The following TMEM123 variants were observed in gnomAD, a reference collection of about 807,000 sequenced individuals.
The protein encoded by TMEM123 is porimin.
In TMEM123, 16 loss-of-function variants were observed where a neutral mutation model predicts 19.7. The observed-to-expected ratio is 0.81, with a 90% CI of 0.55 to 1.23. The LOEUF (loss-of-function observed/expected upper bound fraction) is 1.23, where lower values mean the gene tolerates loss of function less well. TMEM123 is among the 50% of genes most tolerant of loss of function. TMEM123 has a pLI of 0.00. For synonymous variants in TMEM123, 118 were observed against 99.4 expected (o/e 1.19, Z -1.12); for missense variants, 313 against 257.8 (o/e 1.21, Z -1.47).
intron 1 of TMEM123, 77 bp from the exon 2 acceptor site, chr11:102,448,945 G>T: frequency 7.1e-7 from 1 of 1,411,948 alleles, no homozygotes; most frequent in Non-Finnish European, 1.0e-6. Context: ...TTTCTGCCTA[G>T]CGGGAGTAGG....
chr11:102,439,620 C>G (rs921140426), intron 2 of TMEM123, among the ~76,000 whole-genome samples: 4 of 152,198 alleles, frequency 2.6e-5, no homozygotes, highest in Admixed American at 1.3e-4. Flanking sequence ...GCTGAAAATT[C>G]TAAAAATCAG....
At position 102,397,961 on chromosome 11, in the gene TMEM123, G is replaced by C. The variant is rs962337921; in HGVS notation, c.*906C>G. 1 of 152,140 alleles carries C rather than the reference G, an allele frequency of 6.6e-6. No individual in the cohort carries two copies. The highest frequency in any genetic ancestry group is 2.4e-5 in the African/African-American group (1 of 41,448). 9.4% of individuals were successfully genotyped at this position (152,140 alleles called of 1,614,324 possible). A position where few individuals can be genotyped will look rare whatever the true frequency, so the allele number is the denominator to read the frequency against. ...TAAAAATTTCTAGATATTGAAAGCA[G>C]CTCTACAGTTCTTAAAATATTCACA... On this transcript the variant is annotated 3_prime_UTR_variant, in exon 5 of 5. Transcript: ENST00000398136.
intron 2 of TMEM123, chr11:102,448,139 T>C (rs1233280809): frequency 2.3e-6 from 1 of 430,364 alleles, no homozygotes; most frequent in South Asian, 1.6e-5. Context: ...AAGTTAGTGA[T>C]AGGATTGGTG....
At chr11:102,409,235 A>T (rs1951981671) in intron 2 of TMEM123, among the ~76,000 whole-genome samples, 1 of 152,174 alleles carries the variant, frequency 6.6e-6, no homozygotes. Context: ...TCAAGACATA[A>T]ACCATAAATT....
intron 2 of TMEM123, among the ~76,000 whole-genome samples, chr11:102,419,550 T>C (rs1031106101): frequency 6.6e-6 from 1 of 152,250 alleles, no homozygotes; most frequent in Non-Finnish European, 1.5e-5. Context: ...TCCAGTCTGT[T>C]AGACAATGGC....
chr11:102,445,902 T>C (rs1227312273), intron 2 of TMEM123, among the ~76,000 whole-genome samples: 2 of 152,214 alleles, frequency 1.3e-5, no homozygotes, highest in African/African-American at 4.8e-5. Context: ...CAAGGATGAA[T>C]AACCAAACTA....
At chr11:102,433,610 G>A (rs1172827245) in intron 2 of TMEM123, among the ~76,000 whole-genome samples, 1 of 151,866 alleles carries the variant, frequency 6.6e-6, no homozygotes, top group African/African-American at 2.4e-5. Context: ...TTGGAAGACT[G>A]TTGGGAAGGC....
At chr11:102,427,927 G>A (rs973902888) in intron 2 of TMEM123, among the ~76,000 whole-genome samples, 1 of 151,816 alleles carries the variant, frequency 6.6e-6, no homozygotes, top group Non-Finnish European at 1.5e-5. Flanking sequence ...TTTACTCTGA[G>A]ATTCAGAAAA....
In TMEM123 at chr11:102,396,609, G is replaced by A. The variant is rs1323257835; in HGVS notation, c.*2258C>T. The A allele has an allele frequency of 6.6e-6, 1 of 152,116 alleles. No homozygotes were observed. Among genetic ancestry groups the A allele is most frequent in the Admixed American group, 6.5e-5 (1 of 15,270 alleles). The allele number at this position is 152,116 out of a possible 1,614,324, so 9.4% of individuals were successfully genotyped here. The stretch of plus-strand genomic sequence containing the variant: ...ATAAATACATTCTCAAGGAATGCAA[G>A]CAAAACTGAGCATTTTTTTTATGCT... On this transcript the variant is annotated 3_prime_UTR_variant, in exon 5 of 5. Coordinates refer to ENST00000398136, the MANE Select transcript of TMEM123 (RefSeq NM_052932.3).
chr11:102,444,589 A>G (rs1310665301), intron 2 of TMEM123, among the ~76,000 whole-genome samples: 2 of 151,952 alleles, frequency 1.3e-5, no homozygotes, highest in East Asian at 3.9e-4. Flanking sequence ...ATCTAATGTA[A>G]ATGACGAGTT....
chr11:102,409,537 T>C (rs985346166), intron 2 of TMEM123, among the ~76,000 whole-genome samples: 5 of 151,732 alleles, frequency 3.3e-5, no homozygotes, highest in African/African-American at 9.7e-5. Flanking sequence ...ATCCACACTA[T>C]TGAAAATCTA....
chr11:102,423,013 G>A (rs1458959746), intron 2 of TMEM123, among the ~76,000 whole-genome samples: 1 of 152,146 alleles, frequency 6.6e-6, no homozygotes, highest in Non-Finnish European at 1.5e-5. Context: ...AACACCTACT[G>A]ACTCGACAAT....
intron 2 of TMEM123, among the ~76,000 whole-genome samples, chr11:102,429,511 T>C (rs921115068): frequency 1.3e-5 from 2 of 152,216 alleles, no homozygotes; most frequent in African/African-American, 4.8e-5. Flanking sequence ...GAGAAGGTCT[T>C]TGGCACTCTG....
At chr11:102,432,194 G>C (rs1565353584) in intron 2 of TMEM123, among the ~76,000 whole-genome samples, 1 of 152,200 alleles carries the variant, frequency 6.6e-6, no homozygotes, top group Non-Finnish European at 1.5e-5. Context: ...CTTAGAAGAA[G>C]ACAGGGAAAT....
At chr11:102,403,765 C>A (rs760388890) in intron 2 of TMEM123, among the ~76,000 whole-genome samples, 1 of 152,120 alleles carries the variant, frequency 6.6e-6, no homozygotes, top group African/African-American at 2.4e-5. Context: ...ATGCCCTTCA[C>A]GTGGTAGTGA....
chr11:102,434,276 T>C (rs543546036), intron 2 of TMEM123, among the ~76,000 whole-genome samples: 16 of 152,058 alleles, frequency 1.1e-4, no homozygotes, highest in Non-Finnish European at 1.8e-4. Flanking sequence ...TTTTTGAGAA[T>C]AGCCATTCTC....
At chr11:102,445,447 T>C (rs1470327845) in intron 2 of TMEM123, among the ~76,000 whole-genome samples, 2 of 152,244 alleles carry the variant, frequency 1.3e-5, no homozygotes, top group African/African-American at 4.8e-5. Flanking sequence ...TAAAGCAACC[T>C]GTCAGGCCAA....
chr11:102,443,547 G>A (rs139592894), intron 2 of TMEM123, among the ~76,000 whole-genome samples: 6 of 152,140 alleles, frequency 3.9e-5, no homozygotes, highest in African/African-American at 1.2e-4. Context: ...AATTTCATTC[G>A]AGATGGATTA....
chr11:102,418,582 C>A (rs945343829), intron 2 of TMEM123, among the ~76,000 whole-genome samples: 1 of 152,188 alleles, frequency 6.6e-6, no homozygotes, highest in Non-Finnish European at 1.5e-5. Context: ...ATTAGTTCAG[C>A]CACTGTGGAA....
Sources: allele counts gnomAD v4.1 joint callset (sites outside exome capture counted in the v4.1 genomes callset), GRCh38; gene constraint gnomAD v4.1.1; transcripts MANE v1.5; gene names NCBI Gene and HGNC (gene_info 2026-07-23, HGNC 2026-07-21).